PPP4R2: variants seen among roughly 807,000 people sequenced by gnomAD.
PPP4R2 encodes protein phosphatase 4 regulatory subunit 2, also known as serine/threonine-protein phosphatase 4 regulatory subunit 2.
PPP4R2 carries 13 observed loss-of-function variants against 47.2 expected under a neutral mutation model. That is an observed-to-expected ratio of 0.28 (90% confidence interval 0.18 to 0.44). The LOEUF is 0.44. Ranked by LOEUF, PPP4R2 falls within the 20% of genes least tolerant of loss-of-function variation. PPP4R2 has a pLI of 1.00. For synonymous variants in PPP4R2, 151 were observed against 163.3 expected (o/e 0.92, Z 0.57); for missense variants, 421 against 491.2 (o/e 0.86, Z 1.35).
At chr3:73,023,256 C>A (rs1559553815) in intron 2 of PPP4R2, among the ~76,000 whole-genome samples, 1 of 150,314 alleles carries the variant, frequency 6.7e-6, no homozygotes, top group African/African-American at 2.5e-5. Flanking sequence ...CGATCTCAAC[C>A]TCTGCTCACT....
intron 2 of PPP4R2, among the ~76,000 whole-genome samples, chr3:73,012,027 A>G (rs1477184059): frequency 1.3e-5 from 2 of 152,164 alleles, no homozygotes; most frequent in Admixed American, 6.5e-5. Flanking sequence ...GTAGCTTTCT[A>G]TCAACTAATG....
chr3:73,030,250 A>G (rs1296921263), intron 2 of PPP4R2, among the ~76,000 whole-genome samples: 1 of 152,190 alleles, frequency 6.6e-6, no homozygotes, highest in Admixed American at 6.5e-5. Context: ...TCAAATGGCA[A>G]ATGTGGTATA....
chr3:73,016,744 T>TA lies in PPP4R2; in HGVS notation c.116+18586_116+18587insA, dbSNP rs201191622. Among the ~76,000 whole-genome samples, 12 of 131,424 alleles carry TA rather than the reference T, an allele frequency of 9.1e-5. No individual in the cohort carries two copies. In the East Asian group the frequency reaches 2.2e-3, roughly 24 times the overall value. The allele number at this position is 131,424 out of a possible 152,430, so 86.2% of individuals were successfully genotyped here. On this transcript the variant is annotated intron_variant, in intron 2 of 8. Transcript: ENST00000356692. ...TTGGTTCATTGTTTATTTTTATTAT[T>TA]TTTTTTTTTTAATACAGAGTCTCAC...
chr3:73,011,005 A>G (rs559437994), intron 2 of PPP4R2, among the ~76,000 whole-genome samples: 14 of 134,514 alleles, frequency 1.0e-4, no homozygotes, highest in African/African-American at 4.1e-4. Flanking sequence ...GGCTTAAATA[A>G]TTTGTCCAAG....
At chr3:73,005,337 C>CTTT (rs34629247) in intron 2 of PPP4R2, among the ~76,000 whole-genome samples, 1 of 128,168 alleles carries the variant, frequency 7.8e-6, no homozygotes, top group African/African-American at 3.0e-5. Flanking sequence ...ATGGTGTGGT[C>CTTT]TTTTTTTTTT....
intron 2 of PPP4R2, among the ~76,000 whole-genome samples, chr3:73,002,798 C>T (rs1166819715): frequency 1.3e-5 from 2 of 151,350 alleles, no homozygotes; most frequent in Admixed American, 6.6e-5. Context: ...TGCGCCACCA[C>T]GCCTGGCTAA....
intron 2 of PPP4R2, among the ~76,000 whole-genome samples, chr3:73,022,376 A>AT: frequency 6.6e-6 from 1 of 152,152 alleles, no homozygotes; most frequent in South Asian, 2.1e-4. Flanking sequence ...CTGATGAGGT[A>AT]TATAGAAGGT....
chr3:73,057,852 C>G (rs980133123), intron 3 of PPP4R2, among the ~76,000 whole-genome samples: 3 of 152,044 alleles, frequency 2.0e-5, no homozygotes, highest in African/African-American at 7.2e-5. Context: ...ACTACTATAC[C>G]TTGTGGTGGA....
chr3:73,005,884 GTATT>G (rs952207097), intron 2 of PPP4R2, among the ~76,000 whole-genome samples: 39 of 149,710 alleles, frequency 2.6e-4, no homozygotes, highest in African/African-American at 9.3e-4. Context: ...ACAATACACT[GTATT>G]TATTCGAAAT....
At chr3:73,010,840 T>G (rs1701709363) in intron 2 of PPP4R2, among the ~76,000 whole-genome samples, 1 of 152,206 alleles carries the variant, frequency 6.6e-6, no homozygotes, top group African/African-American at 2.4e-5. Context: ...GGGCTCAGCC[T>G]TTCTTTTATT....
chr3:73,013,605 C>A (rs1333229250), intron 2 of PPP4R2, among the ~76,000 whole-genome samples: 1 of 151,716 alleles, frequency 6.6e-6, no homozygotes, highest in Non-Finnish European at 1.5e-5. Context: ...CTTCAGTTTG[C>A]CTTTTGTTAT....
chr3:73,017,566 A>G (rs981062457), intron 2 of PPP4R2, among the ~76,000 whole-genome samples: 12 of 151,960 alleles, frequency 7.9e-5, no homozygotes, highest in African/African-American at 2.9e-4. Flanking sequence ...AGTGAGAGAG[A>G]AAGAGATTGG....
chr3:73,062,380 T>C (rs1374297869), intron 5 of PPP4R2: 1 of 1,607,324 alleles, frequency 6.2e-7, no homozygotes, highest in South Asian at 1.1e-5. Flanking sequence ...ATTGGGGATA[T>C]TAAGGACATT....
intron 5 of PPP4R2, chr3:73,063,318 T>TA (rs534798966): frequency 0.046 from 4,247 of 92,110 alleles, 166 homozygotes; most frequent in African/African-American, 0.16. Context: ...TCTCATTATT[T>TA]AAAAAAAAAA....
At chr3:73,030,612 A>AT (rs57682305) in intron 2 of PPP4R2, among the ~76,000 whole-genome samples, 8,762 of 142,996 alleles carry the variant, frequency 0.061, 455 homozygotes, top group African/African-American at 0.13. Flanking sequence ...GATTACGTTG[A>AT]TTTTTTTTTT....
intron 2 of PPP4R2, among the ~76,000 whole-genome samples, chr3:73,031,281 T>A (rs1479824224): frequency 6.6e-6 from 1 of 152,180 alleles, no homozygotes; most frequent in Non-Finnish European, 1.5e-5. Context: ...GGTTCACGCT[T>A]GTAATCCCGG....
At chr3:73,031,684 T>G (rs999700534) in intron 2 of PPP4R2, among the ~76,000 whole-genome samples, 1 of 152,216 alleles carries the variant, frequency 6.6e-6, no homozygotes, top group African/African-American at 2.4e-5. Context: ...TAGAAGTATT[T>G]CTAGGCCAGA....
intron 4 of PPP4R2, among the ~76,000 whole-genome samples, chr3:73,060,257 T>A (rs749057728): frequency 1.3e-5 from 2 of 152,192 alleles, no homozygotes; most frequent in African/African-American, 4.8e-5. Flanking sequence ...TTGAATAATA[T>A]CCCCAAAGGC....
At chr3:73,047,604 G>C (rs574313794) in intron 3 of PPP4R2, among the ~76,000 whole-genome samples, 1 of 152,116 alleles carries the variant, frequency 6.6e-6, no homozygotes, top group Admixed American at 6.5e-5. Flanking sequence ...ACATTTTAAT[G>C]GTTTTTCTTT....
Sources: allele counts gnomAD v4.1 joint callset (sites outside exome capture counted in the v4.1 genomes callset), GRCh38; gene constraint gnomAD v4.1.1; transcripts MANE v1.5; gene names NCBI Gene and HGNC (gene_info 2026-07-23, HGNC 2026-07-21).